Variants in BAZ1A observed in about 807,000 individuals in gnomAD.
BAZ1A encodes the protein bromodomain adjacent to zinc finger domain protein 1A.
In BAZ1A, 50 loss-of-function variants were observed where a neutral mutation model predicts 185.2. The ratio of observed to expected loss-of-function variants is 0.27; its 90% confidence interval spans 0.22 to 0.34. The LOEUF is 0.34. Among genes scored for constraint, BAZ1A ranks in the 10% least tolerant of loss-of-function variants. BAZ1A has a pLI of 1.00. For synonymous variants in BAZ1A, 571 were observed against 615.6 expected (o/e 0.93, Z 1.07); for missense variants, 1,356 against 1,839.9 (o/e 0.74, Z 4.81).
intron 3 of BAZ1A, among the ~76,000 whole-genome samples, chr14:34,835,093 G>A (rs2042307665): frequency 6.6e-6 from 1 of 150,946 alleles, no homozygotes; most frequent in South Asian, 2.1e-4. Flanking sequence ...ATGGAGTCTC[G>A]CTCTGTTGCC....
At chr14:34,806,667 CT>C (rs1199967543) in intron 6 of BAZ1A, among the ~76,000 whole-genome samples, 1 of 152,074 alleles carries the variant, frequency 6.6e-6, no homozygotes. Flanking sequence ...TAAAACTTGA[CT>C]TTTTCCTCTC....
intron 24 of BAZ1A, among the ~76,000 whole-genome samples, chr14:34,759,993 A>G (rs896309174): frequency 2.8e-4 from 43 of 152,094 alleles, no homozygotes; most frequent in African/African-American, 9.9e-4. Flanking sequence ...TAATTTTAAT[A>G]TCTAGATAAT....
At position 34,830,132 on chromosome 14, in the gene BAZ1A, C is replaced by T. The variant is rs186956647; in HGVS notation, c.393-3976G>A. 1.9e-3 allele frequency among the ~76,000 whole-genome samples: 294 copies of T among 152,186 alleles called. 1 individual carries two copies. Among genetic ancestry groups the T allele is most frequent in the African/African-American group, 6.5e-3 (270 of 41,526 alleles). The stretch of plus-strand genomic sequence containing the variant: ...GATTTACCATATGACCCTGTAATTC[C>T]GCTTTTAGCTATATACCTGAGAGAC... On this transcript the variant is annotated intron_variant, in intron 3 of 26. Coordinates refer to ENST00000360310, the MANE Select transcript of BAZ1A (RefSeq NM_013448.3).
Position 34,762,157 on chromosome 14 carries a change from A to G in BAZ1A, c.3843T>C (p.Ser1281=). The G allele has an allele frequency of 6.2e-7, 1 of 1,614,222 alleles. No homozygotes were observed. The highest frequency in any genetic ancestry group is 8.5e-7 in the Non-Finnish European group (1 of 1,180,032). Reference sequence around the variant, plus strand: ...CTTGTTGTTGGCCACGACTTGAGAAAGAAGAGCTAAGTTTCCCTCTTGTTT... The same window carrying G: ...CTTGTTGTTGGCCACGACTTGAGAAGGAAGAGCTAAGTTTCCCTCTTGTTT... ...PVKTRGKLSS[S]FSSRGQQQEP... The change falls in exon 24 of 27, where the codon TCT becomes TCC. Residue 1281 remains serine (S), a synonymous_variant. Coordinates refer to ENST00000360310, the MANE Select transcript of BAZ1A (RefSeq NM_013448.3).
At chr14:34,795,871 A>C (rs1232036697) in intron 9 of BAZ1A, 106 bp from the exon 10 acceptor site, 1 of 754,462 alleles carries the variant, frequency 1.3e-6, no homozygotes, top group African/African-American at 1.8e-5. Flanking sequence ...ACCTTACCCC[A>C]TACCTACTGA....
rs576875596 is a variant in BAZ1A at position 34,839,598 on chromosome 14, C to G, written c.393-13442G>C. The stretch of plus-strand genomic sequence containing the variant: ...GTGGCTCACACCTGTAATCCCAGCA[C>G]TTTGGGAGGCCAAGGTGGGCGGATT... On this transcript the variant is annotated intron_variant, in intron 3 of 26. Coordinates refer to ENST00000360310, the MANE Select transcript of BAZ1A (RefSeq NM_013448.3). Among the ~76,000 whole-genome samples the G allele has an allele frequency of 3.4e-3, 493 of 146,400 alleles. 5 individuals carry two copies. The highest frequency in any genetic ancestry group is 6.1e-3 in the Non-Finnish European group (411 of 67,020).
At chr14:34,755,066 T>C (rs1200145022) in intron 25 of BAZ1A, 152 bp from the exon 26 acceptor site, 1 of 542,970 alleles carries the variant, frequency 1.8e-6, no homozygotes, top group Non-Finnish European at 3.2e-6. Context: ...TAGATATATA[T>C]GTCTATATAG....
rs1418989713 is a variant in BAZ1A at position 34,826,102 on chromosome 14, A to G, written c.447T>C (p.Ala149=). Residue 149 remains alanine, a synonymous_variant, in exon 4 of 27, where the codon GCT becomes GCC. Coordinates refer to ENST00000360310, the MANE Select transcript of BAZ1A (RefSeq NM_013448.3). ...CATCCACACTGTTAACATGTCCATTAGCAAAACCATTTTGATGTGATGGAG... is the reference window on the plus strand; with the variant it reads ...CATCCACACTGTTAACATGTCCATTGGCAAAACCATTTTGATGTGATGGAG... ...VLPPSHQNGF[A]NGHVNSVDGE... is the part of the protein sequence containing the mutation. 1.9e-6 allele frequency: 3 copies of G among 1,612,864 alleles called. No homozygotes were observed. Among genetic ancestry groups the G allele is most frequent in the Non-Finnish European group, 2.5e-6 (3 of 1,179,402 alleles).
At chr14:34,785,291 A>G (rs1038121374) in intron 14 of BAZ1A, among the ~76,000 whole-genome samples, 1 of 152,222 alleles carries the variant, frequency 6.6e-6, no homozygotes, top group African/African-American at 2.4e-5. Context: ...AATTATAAAG[A>G]CTGCAAATGT....
At position 34,862,266 on chromosome 14, in the gene BAZ1A, G is replaced by A. The variant is rs754386224; in HGVS notation, c.170C>T (p.Thr57Met). The A allele has an allele frequency of 4.3e-6, 7 of 1,613,898 alleles. No individual in the cohort carries two copies. Among genetic ancestry groups the A allele is most frequent in the African/African-American group, 1.3e-5 (1 of 74,970 alleles). Reference sequence around the variant, plus strand: ...CTGATACGTCAGTCCAGGTCTACCCGTCACAGCACAACTCCACACAAGGCT... The same window carrying A: ...CTGATACGTCAGTCCAGGTCTACCCATCACAGCACAACTCCACACAAGGCT... ...CNSLVWSCAV[T>M]GRPGLTYQEA... The change falls in exon 3 of 27, where the codon ACG (threonine) becomes ATG (methionine). Residue 57 changes from threonine (T) to methionine (M), a missense_variant. Transcript: ENST00000360310.
chr14:34,823,223 C>A (rs908335245), intron 4 of BAZ1A, among the ~76,000 whole-genome samples: 1 of 151,938 alleles, frequency 6.6e-6, no homozygotes, highest in African/African-American at 2.4e-5. Context: ...GGAGTGGTGG[C>A]ACGCGCCTGT....
At chr14:34,806,647 G>A (rs12587021) in intron 6 of BAZ1A, among the ~76,000 whole-genome samples, 1 of 152,010 alleles carries the variant, frequency 6.6e-6, no homozygotes, top group African/African-American at 2.4e-5. Flanking sequence ...AGTGTGCAAT[G>A]TGAAATCTCT....
chr14:34,786,088 A>T, intron 13 of BAZ1A, 38 bp downstream of exon 13: 1 of 1,570,302 alleles, frequency 6.4e-7, no homozygotes, highest in Non-Finnish European at 8.6e-7. Flanking sequence ...AATTAAAAAT[A>T]AAAAGCCAAA....
At chr14:34,833,300 G>C (rs1383730972) in intron 3 of BAZ1A, among the ~76,000 whole-genome samples, 1 of 152,074 alleles carries the variant, frequency 6.6e-6, no homozygotes, top group Non-Finnish European at 1.5e-5. Flanking sequence ...AGACCGAGGC[G>C]GGTGGATCAC....
At chr14:34,771,790 G>A in intron 20 of BAZ1A, 131 bp from the exon 21 acceptor site, 1 of 743,686 alleles carries the variant, frequency 1.3e-6, no homozygotes. Context: ...AGGAGTTGCA[G>A]TAAACTAGTA....
chr14:34,832,956 T>C (rs770600031), intron 3 of BAZ1A, among the ~76,000 whole-genome samples: 4 of 152,202 alleles, frequency 2.6e-5, no homozygotes, highest in African/African-American at 4.8e-5. Context: ...CTGTGGTATA[T>C]ACATATAATG....
chr14:34,824,214 A>T (rs988475667), intron 4 of BAZ1A, among the ~76,000 whole-genome samples: 13 of 149,728 alleles, frequency 8.7e-5, no homozygotes, highest in Non-Finnish European at 1.9e-4. Flanking sequence ...AAAAAAAAAA[A>T]AAATTAAAAA....
At chr14:34,829,912 CT>C (rs2042216637) in intron 3 of BAZ1A, among the ~76,000 whole-genome samples, 1 of 152,122 alleles carries the variant, frequency 6.6e-6, no homozygotes, top group African/African-American at 2.4e-5. Context: ...TATACTTTCC[CT>C]TGGTGTCTCA....
chr14:34,792,465 C>T (rs1022860980), intron 12 of BAZ1A, among the ~76,000 whole-genome samples: 5 of 151,918 alleles, frequency 3.3e-5, no homozygotes, highest in African/African-American at 9.7e-5. Context: ...TGCTAGTTAG[C>T]AGAATCTCTT....
Sources: gnomAD v4.1 joint callset for allele counts (sites outside exome capture counted in the v4.1 genomes callset) on GRCh38, gnomAD v4.1.1 for gene constraint, MANE v1.5 for transcripts, NCBI Gene and HGNC (gene_info 2026-07-23, HGNC 2026-07-21) for gene names.